The following MYCBPAP variants were observed in gnomAD, a reference collection of about 807,000 sequenced individuals.
MYCBPAP encodes MYCBP associated protein.
MYCBPAP carries 60 observed loss-of-function variants against 106.1 expected under a neutral mutation model. The ratio of observed to expected loss-of-function variants is 0.57; its 90% CI spans 0.46 to 0.70. MYCBPAP has a LOEUF of 0.70. Among genes scored for constraint, MYCBPAP ranks in the 30% least tolerant of loss-of-function variants. The probability of loss-of-function intolerance (pLI) is 0.00; values close to 1 mark genes in which losing one functional copy is unlikely to be tolerated. For missense variants in MYCBPAP, 1,064 were observed against 1,169.3 expected, an observed-to-expected ratio of 0.91 and a Z score of 1.31; for synonymous variants, 407 against 440.6, an observed-to-expected ratio of 0.92 and a Z score of 0.95.
chr17:50,523,861 GATC>G, intron 12 of MYCBPAP, 77 bp downstream of exon 12: 1 of 1,392,568 alleles, frequency 7.2e-7, no homozygotes, highest in Non-Finnish European at 9.8e-7. Flanking sequence ...TGACTGAAGG[GATC>G]ATATTTCTCC....
At chr17:50,528,871 G>C in intron 17 of MYCBPAP, 31 bp downstream of exon 17, 1 of 1,610,966 alleles carries the variant, frequency 6.2e-7, no homozygotes, top group Non-Finnish European at 8.5e-7. Flanking sequence ...GGCCAGGTGG[G>C]GCTGGGGAGG....
intron 1 of MYCBPAP, 137 bp downstream of exon 1, chr17:50,508,887 G>A (rs1424518353): frequency 1.2e-6 from 1 of 839,984 alleles, no homozygotes; most frequent in African/African-American, 1.7e-5. Context: ...TGGGGTACTG[G>A]GCATAGGACC....
chr17:50,508,819 G>T, intron 1 of MYCBPAP, 69 bp downstream of exon 1: 1 of 1,377,122 alleles, frequency 7.3e-7, no homozygotes, highest in East Asian at 2.4e-5. Context: ...AAGAGTTCAG[G>T]ACACGGGGCC....
At chr17:50,518,024 T>C (rs1236488210) in intron 4 of MYCBPAP, among the ~76,000 whole-genome samples, 1 of 152,222 alleles carries the variant, frequency 6.6e-6, no homozygotes, top group Non-Finnish European at 1.5e-5. Context: ...CTCTGTGCAC[T>C]GTCTTGATTT....
Position 50,519,780 on chromosome 17 carries a change from G to T in MYCBPAP, c.909G>T (p.Val303=), listed in dbSNP as rs779716272. 1 of 1,613,616 alleles carries T rather than the reference G, an allele frequency of 6.2e-7. No homozygotes were observed. Among genetic ancestry groups the T allele is most frequent in the East Asian group, 2.2e-5 (1 of 44,872 alleles). Reference sequence around the variant, plus strand: ...TCAGGAAGCCCCACTCCATCCGGGTGGAGACAGGTGAGGCGCAGGGCTGTA... The same window carrying T: ...TCAGGAAGCCCCACTCCATCCGGGTTGAGACAGGTGAGGCGCAGGGCTGTA... ...THIRKPHSIR[V]ETGLPAQRDA... is the part of the protein sequence containing the mutation. The change falls in exon 7 of 19, where the codon GTG becomes GTT. Residue 303 remains valine (V), a synonymous_variant. Transcript: ENST00000323776.
In MYCBPAP at chr17:50,526,184, G is replaced by T. The variant is rs1171528557; in HGVS notation, c.2086G>T (p.Asp696Tyr). The T allele has an allele frequency of 6.2e-7, 1 of 1,613,524 alleles. No homozygotes were observed. The highest frequency in any genetic ancestry group is 1.3e-5 in the African/African-American group (1 of 74,932). The part of the protein sequence containing the change: ...MEEILVEESP[D>Y]VDSTKSPWEP... The stretch of plus-strand genomic sequence containing the variant: ...GGAGATCCTGGTGGAGGAAAGCCCA[G>T]ATGTGGACAGCACCAAGAGCCCCTG... Residue 696 changes from aspartate (D) to tyrosine (Y), a missense_variant, in exon 14 of 19, where the codon GAT (aspartate) becomes TAT (tyrosine). Physicochemically the swap from Asp to Tyr is radical, Grantham distance 160 (BLOSUM62 -3). Coordinates refer to ENST00000323776, the MANE Select transcript of MYCBPAP (RefSeq NM_032133.6).
In MYCBPAP at chr17:50,508,963, G is replaced by A. The variant is rs569391708; in HGVS notation, c.76+213G>A. 173 of 704,952 alleles carry A rather than the reference G, an allele frequency of 2.5e-4. 1 individual carries two copies. Among genetic ancestry groups the A allele is most frequent in the South Asian group, 2.4e-3 (163 of 67,530 alleles). The allele number at this position is 704,952 out of a possible 1,614,324, so 43.7% of individuals were successfully genotyped here. On this transcript the variant is annotated intron_variant, in intron 1 of 18. Transcript: ENST00000323776. ...CTGGGCCTTGGGGATGGGGACATAG[G>A]AAGTGGGAGACTGACAGAGGGGCCT... is the stretch of plus-strand genomic sequence containing the variant.
At position 50,522,096 on chromosome 17, in the gene MYCBPAP, A is replaced by G; in HGVS notation, c.1257+15A>G. On this transcript the variant is annotated intron_variant, in intron 10 of 18. Transcript: ENST00000323776. Reference sequence around the variant, plus strand: ...CACAGGACAAGGTAAAACAGCCTCCACCACACCTGCTGGGAGAGCCTCCCT... The same window carrying G: ...CACAGGACAAGGTAAAACAGCCTCCGCCACACCTGCTGGGAGAGCCTCCCT... 2 of 1,604,380 alleles carry G rather than the reference A, an allele frequency of 1.2e-6. No homozygotes were observed. Among genetic ancestry groups the G allele is most frequent in the Non-Finnish European group, 8.5e-7 (1 of 1,171,888 alleles).
At position 50,521,987 on chromosome 17, in the gene MYCBPAP, G is replaced by C. The variant is rs558013824; in HGVS notation, c.1163G>C (p.Ser388Thr). The C allele has an allele frequency of 3.1e-6, 5 of 1,613,726 alleles. No individual in the cohort carries two copies. The Admixed American group carries it at 8.3e-5, about 27-fold the overall frequency. The change falls in exon 10 of 19, where the codon AGT (serine) becomes ACT (threonine). Residue 388 changes from serine to threonine, a missense_variant. Transcript: ENST00000323776. ...EDTAYLGTLASSSDVSMPILG... is the reference protein window; with the variant it reads ...EDTAYLGTLATSSDVSMPILG... The stretch of plus-strand genomic sequence containing the variant: ...TTTTCTTACAGAGGCACATTGGCCA[G>C]TTCCTCTGATGTCTCCATGCCTATT...
intron 7 of MYCBPAP, 168 bp from the exon 8 acceptor site, chr17:50,520,942 G>GC: frequency 1.7e-6 from 1 of 592,838 alleles, no homozygotes; most frequent in South Asian, 2.0e-5. Flanking sequence ...TAGGGCTGCT[G>GC]AGGAGGTATA....
At chr17:50,530,143 G>A (rs1405036628) in intron 18 of MYCBPAP, 1 of 368,846 alleles carries the variant, frequency 2.7e-6, no homozygotes, top group Non-Finnish European at 5.4e-6. Flanking sequence ...GTAATTAAAG[G>A]GCTCTGAGGA....
intron 14 of MYCBPAP, 114 bp from the exon 15 acceptor site, chr17:50,527,173 T>C: frequency 2.7e-6 from 4 of 1,464,432 alleles, no homozygotes; most frequent in Non-Finnish European, 3.7e-6. Context: ...TCTCCATAGC[T>C]GCATCCCCTC....
At chr17:50,524,737 T>TGTGTGTGTGTGTGTGG (rs373928628) in intron 12 of MYCBPAP, 140 bp from the exon 13 acceptor site, 1 of 342,940 alleles carries the variant, frequency 2.9e-6, no homozygotes, top group African/African-American at 2.6e-5. Flanking sequence ...TGTGTGTGTG[T>TGTGTGTGTGTGTGTGG]GAGAGAGAGA....
At chr17:50,522,900 G>A (rs768286496) in intron 10 of MYCBPAP, 39 bp from the exon 11 acceptor site, 4 of 1,590,016 alleles carry the variant, frequency 2.5e-6, no homozygotes, top group Non-Finnish European at 3.4e-6. Flanking sequence ...CTAGGCCAGG[G>A]TTTGCAGCAA....
intron 1 of MYCBPAP, among the ~76,000 whole-genome samples, chr17:50,514,541 G>A (rs1248236568): frequency 6.6e-6 from 1 of 152,226 alleles, no homozygotes; most frequent in Non-Finnish European, 1.5e-5. Context: ...AAGGCAGGGA[G>A]TGTGTCCTCG....
intron 11 of MYCBPAP, 130 bp downstream of exon 11, chr17:50,523,258 C>A: frequency 1.1e-6 from 1 of 930,468 alleles, no homozygotes; most frequent in Non-Finnish European, 1.6e-6. Flanking sequence ...TTGTCCCTCT[C>A]ATTCCTTCTG....
At chr17:50,509,014 C>A (rs1472221051) in intron 1 of MYCBPAP, 7 of 702,546 alleles carry the variant, frequency 1.0e-5, no homozygotes, top group Non-Finnish European at 1.8e-5. Context: ...GGGGAGATGG[C>A]CTTGCGCTAC....
At chr17:50,520,380 C>T (rs1474917222) in intron 7 of MYCBPAP, among the ~76,000 whole-genome samples, 1 of 152,082 alleles carries the variant, frequency 6.6e-6, no homozygotes, top group Non-Finnish European at 1.5e-5. Flanking sequence ...TGGTGCGCGC[C>T]TAGAATCCCA....
chr17:50,511,586 C>A (rs1371486120), intron 1 of MYCBPAP, among the ~76,000 whole-genome samples: 1 of 152,356 alleles, frequency 6.6e-6, no homozygotes, highest in East Asian at 1.9e-4. Context: ...TTCCTACCCC[C>A]ACCTGAGCAC....
Sources: allele counts gnomAD v4.1 joint callset (sites outside exome capture counted in the v4.1 genomes callset), GRCh38; gene constraint gnomAD v4.1.1; transcripts MANE v1.5; gene names NCBI Gene and HGNC (gene_info 2026-07-23, HGNC 2026-07-21).